Variants in TSHZ2 observed in about 807,000 individuals in gnomAD.
The protein encoded by TSHZ2 is teashirt zinc finger homeobox 2.
In TSHZ2, 21 loss-of-function variants were observed where a neutral mutation model predicts 74.4. That is an observed-to-expected ratio of 0.28 (90% CI 0.20 to 0.41). The LOEUF is 0.41. Among genes scored for constraint, TSHZ2 ranks in the 10% least tolerant of loss-of-function variants. The probability of loss-of-function intolerance (pLI) is 1.00; values close to 1 mark genes in which losing one functional copy is unlikely to be tolerated. For synonymous variants in TSHZ2, 540 were observed against 515.3 expected, an observed-to-expected ratio of 1.05 and a Z score of -0.65; for missense variants, 1,244 against 1,293.5, an observed-to-expected ratio of 0.96 and a Z score of 0.59.
At chr20:53,059,143 T>C (rs572644715) in intron 1 of TSHZ2, among the ~76,000 whole-genome samples, 2 of 11,830 alleles carry the variant, frequency 1.7e-4, no homozygotes, top group South Asian at 4.7e-3. Flanking sequence ...CTCTTAAATG[T>C]ATTAAACTCC....
chr20:53,030,054 T>A (rs1983582217), intron 1 of TSHZ2, among the ~76,000 whole-genome samples: 1 of 152,132 alleles, frequency 6.6e-6, no homozygotes, highest in Non-Finnish European at 1.5e-5. Flanking sequence ...TTATATTTCG[T>A]CATTTAAGCC....
chr20:53,327,311 C>T (rs943049670), intron 2 of TSHZ2, among the ~76,000 whole-genome samples: 3 of 152,172 alleles, frequency 2.0e-5, no homozygotes, highest in Non-Finnish European at 2.9e-5. Flanking sequence ...TAATGACGTA[C>T]AGCCATTAAC....
intron 1 of TSHZ2, among the ~76,000 whole-genome samples, chr20:53,246,962 G>C (rs1397496039): frequency 1.3e-5 from 2 of 150,380 alleles, no homozygotes; most frequent in African/African-American, 4.9e-5. Flanking sequence ...GAAAAAAATA[G>C]AGAGAGATTG....
chr20:53,296,402 TA>T (rs1991381530), intron 2 of TSHZ2, among the ~76,000 whole-genome samples: 1 of 152,220 alleles, frequency 6.6e-6, no homozygotes, highest in Non-Finnish European at 1.5e-5. Context: ...CAACATTCAA[TA>T]TGCTGGCAAT....
chr20:53,047,872 G>A (rs6091626), intron 1 of TSHZ2, among the ~76,000 whole-genome samples: 2,103 of 152,288 alleles, frequency 0.014, 52 homozygotes, highest in African/African-American at 0.043. Context: ...GGTGTTAGGT[G>A]CTAAACATAC....
At chr20:53,192,646 C>A (rs2123547985) in intron 1 of TSHZ2, among the ~76,000 whole-genome samples, 1 of 151,466 alleles carries the variant, frequency 6.6e-6, no homozygotes, top group South Asian at 2.1e-4. Context: ...AAGACCAGGA[C>A]AGAAGGGCTC....
intron 1 of TSHZ2, among the ~76,000 whole-genome samples, chr20:53,004,309 T>A (rs1276300041): frequency 6.6e-6 from 1 of 152,182 alleles, no homozygotes; most frequent in Non-Finnish European, 1.5e-5. Context: ...TAATTCATTG[T>A]GTTGGATGAT....
intron 2 of TSHZ2, among the ~76,000 whole-genome samples, chr20:53,372,922 C>T (rs1418763417): frequency 1.3e-5 from 2 of 152,008 alleles, no homozygotes; most frequent in Admixed American, 6.6e-5. Context: ...TTTCTATGTC[C>T]CAGGGAATAA....
chr20:53,008,036 A>T (rs568256885), intron 1 of TSHZ2, among the ~76,000 whole-genome samples: 1 of 152,250 alleles, frequency 6.6e-6, no homozygotes, highest in African/African-American at 2.4e-5. Flanking sequence ...AACCAATTCC[A>T]CTGAATTGTA....
intron 2 of TSHZ2, among the ~76,000 whole-genome samples, chr20:53,352,759 G>A (rs1568881423): frequency 7.2e-6 from 1 of 139,448 alleles, no homozygotes; most frequent in African/African-American, 2.8e-5. Flanking sequence ...GGGCGACAAA[G>A]TGAGGATCTG....
At chr20:53,380,025 T>C (rs1981800105) in intron 2 of TSHZ2, among the ~76,000 whole-genome samples, 1 of 152,178 alleles carries the variant, frequency 6.6e-6, no homozygotes, top group Non-Finnish European at 1.5e-5. Context: ...GTTCTCAAAA[T>C]AGATGGTATA....
intron 2 of TSHZ2, among the ~76,000 whole-genome samples, chr20:53,379,609 G>A (rs571063416): frequency 6.6e-6 from 1 of 152,196 alleles, no homozygotes; most frequent in South Asian, 2.1e-4. Flanking sequence ...CAGTCTCTTG[G>A]GATGTCTTTG....
At chr20:53,187,581 C>T (rs55726134) in intron 1 of TSHZ2, among the ~76,000 whole-genome samples, 16,415 of 151,970 alleles carry the variant, frequency 0.11, 1,031 homozygotes, top group Admixed American at 0.2. Flanking sequence ...CGGGTGGTCC[C>T]AGCAGAACAG....
At chr20:53,409,591 ATGT>A (rs749075492) in intron 2 of TSHZ2, among the ~76,000 whole-genome samples, 3 of 152,098 alleles carry the variant, frequency 2.0e-5, no homozygotes, top group Non-Finnish European at 4.4e-5. Context: ...TGTTTTCAGG[ATGT>A]TGTTTGATAA....
chr20:53,410,356 G>A (rs1983009182), intron 2 of TSHZ2, among the ~76,000 whole-genome samples: 1 of 152,040 alleles, frequency 6.6e-6, no homozygotes, highest in Non-Finnish European at 1.5e-5. Context: ...ACATCCCTGA[G>A]CAGAATTCAC....
chr20:53,488,847 A>C lies in TSHZ2; in HGVS notation c.*1712A>C, dbSNP rs1986366868. On this transcript the variant is annotated 3_prime_UTR_variant, in exon 3 of 3. Coordinates refer to ENST00000371497, the MANE Select transcript of TSHZ2 (RefSeq NM_173485.6). ...TCAACATTGGGATTAAAAAAAAAAA[A>C]AAACTTCTTATTTACCTCCTAGGGA... 1 of 342,918 alleles carries C rather than the reference A, an allele frequency of 2.9e-6. No homozygotes were observed. The highest frequency in any genetic ancestry group is 2.2e-5 in the African/African-American group (1 of 46,456). 21.2% of individuals were successfully genotyped at this position (342,918 alleles called of 1,614,324 possible).
At chr20:53,477,666 C>T (rs1986025256) in intron 2 of TSHZ2, among the ~76,000 whole-genome samples, 1 of 149,048 alleles carries the variant, frequency 6.7e-6, no homozygotes, top group African/African-American at 2.5e-5. Flanking sequence ...CAATTGGGAT[C>T]TAATTAAACT....
intron 2 of TSHZ2, among the ~76,000 whole-genome samples, chr20:53,291,067 C>T (rs955115293): frequency 5.3e-5 from 8 of 152,044 alleles, no homozygotes; most frequent in African/African-American, 9.7e-5. Context: ...TAGATGTGAG[C>T]GTAGGGGAGA....
At chr20:53,156,902 C>G (rs7268936) in intron 1 of TSHZ2, among the ~76,000 whole-genome samples, 2,123 of 152,274 alleles carry the variant, frequency 0.014, 41 homozygotes, top group African/African-American at 0.049. Flanking sequence ...ATCTCTATCT[C>G]TGGGGACAGA....
Sources: allele counts gnomAD v4.1 joint callset (sites outside exome capture counted in the v4.1 genomes callset), GRCh38; gene constraint gnomAD v4.1.1; transcripts MANE v1.5; gene names NCBI Gene and HGNC (gene_info 2026-07-23, HGNC 2026-07-21).